Variants in FCHSD2 observed in about 807,000 individuals in gnomAD.
FCHSD2 encodes FCH and double SH3 domains 2.
Under a neutral mutation model 108.1 loss-of-function variants are expected in FCHSD2, and 38 were observed. The ratio of observed to expected loss-of-function variants is 0.35; its 90% CI spans 0.27 to 0.46. The LOEUF (loss-of-function observed/expected upper bound fraction) is 0.46. Ranked by LOEUF, FCHSD2 falls within the 20% of genes least tolerant of loss-of-function variation. The pLI, the probability that FCHSD2 is intolerant of heterozygous loss-of-function variation, is 1.00. For missense variants in FCHSD2, 751 were observed against 897.8 expected (o/e 0.84, Z 2.09); for synonymous variants, 279 against 314.7 (o/e 0.89, Z 1.20).
intron 2 of FCHSD2, among the ~76,000 whole-genome samples, chr11:73,136,127 T>A (rs1054577848): frequency 6.7e-6 from 1 of 148,726 alleles, no homozygotes; most frequent in Non-Finnish European, 1.5e-5. Flanking sequence ...ACCACTGCAT[T>A]CCAGCCTGGG....
intron 14 of FCHSD2, among the ~76,000 whole-genome samples, chr11:72,845,084 C>T (rs1861083544): frequency 6.6e-6 from 1 of 152,046 alleles, no homozygotes; most frequent in African/African-American, 2.4e-5. Context: ...GACAGCAAAC[C>T]AGGGAGGTAG....
At chr11:73,138,651 C>G (rs1861178642) in intron 2 of FCHSD2, among the ~76,000 whole-genome samples, 1 of 147,572 alleles carries the variant, frequency 6.8e-6, no homozygotes, top group African/African-American at 2.5e-5. Context: ...CTCTGTTGCC[C>G]AGGCTGGAGA....
At chr11:72,870,143 C>T (rs892893666) in intron 12 of FCHSD2, among the ~76,000 whole-genome samples, 2 of 152,078 alleles carry the variant, frequency 1.3e-5, no homozygotes, top group Non-Finnish European at 2.9e-5. Flanking sequence ...TATCTTTTGA[C>T]GGTCCGTTCA....
At chr11:72,925,265 C>T (rs533674142) in intron 8 of FCHSD2, among the ~76,000 whole-genome samples, 1 of 152,142 alleles carries the variant, frequency 6.6e-6, no homozygotes, top group East Asian at 1.9e-4. Context: ...AGGATCATTT[C>T]TGATTATAGA....
intron 8 of FCHSD2, among the ~76,000 whole-genome samples, chr11:72,973,733 C>T (rs1241301442): frequency 6.6e-6 from 1 of 152,182 alleles, no homozygotes; most frequent in African/African-American, 2.4e-5. Context: ...ATAGTTAGAA[C>T]ATTCATAACA....
chr11:73,059,876 G>T (rs1859119941), intron 3 of FCHSD2, among the ~76,000 whole-genome samples: 1 of 152,088 alleles, frequency 6.6e-6, no homozygotes, highest in African/African-American at 2.4e-5. Context: ...TAGAAGACTT[G>T]ATAAATTAAC....
intron 2 of FCHSD2, among the ~76,000 whole-genome samples, chr11:73,096,126 GA>G (rs1420531228): frequency 1.3e-5 from 2 of 151,912 alleles, no homozygotes; most frequent in East Asian, 3.8e-4. Flanking sequence ...TTTAAGAGAA[GA>G]AGAAACAGAA....
chr11:73,007,848 C>T (rs1009399952), intron 4 of FCHSD2, among the ~76,000 whole-genome samples: 2 of 152,128 alleles, frequency 1.3e-5, no homozygotes, highest in African/African-American at 2.4e-5. Flanking sequence ...TATTGTACTA[C>T]AGTTATGCAA....
chr11:72,881,128 C>G (rs1855077558), intron 12 of FCHSD2, among the ~76,000 whole-genome samples: 1 of 152,092 alleles, frequency 6.6e-6, no homozygotes, highest in African/African-American at 2.4e-5. Flanking sequence ...ATTATTCATG[C>G]AACAAGGGAC....
At chr11:72,894,889 C>T (rs1398684609) in intron 10 of FCHSD2, among the ~76,000 whole-genome samples, 1 of 151,934 alleles carries the variant, frequency 6.6e-6, no homozygotes, top group Non-Finnish European at 1.5e-5. Context: ...CAGGTGCTTC[C>T]CCATACATTG....
Position 72,947,320 on chromosome 11 carries a change from C to T in FCHSD2, c.706-25370G>A, listed in dbSNP as rs1856539311. ...TCCAGACTCACACTCAGGCCCACAT[C>T]TGGCCAAGAGGAGCAGAACTGAAGA... On this transcript the variant is annotated intron_variant, in intron 8 of 19. Coordinates refer to ENST00000409418, the MANE Select transcript of FCHSD2 (RefSeq NM_014824.3). Among the ~76,000 whole-genome samples, 8 of 152,106 alleles carry T rather than the reference C, an allele frequency of 5.3e-5. No individual in the cohort carries two copies. The South Asian group carries it at 1.7e-3, about 31-fold the overall frequency.
chr11:72,964,669 T>A (rs1463417457), intron 8 of FCHSD2, among the ~76,000 whole-genome samples: 8 of 152,190 alleles, frequency 5.3e-5, no homozygotes, highest in African/African-American at 1.9e-4. Context: ...TCTTTCTCCT[T>A]TACAACCCAC....
intron 2 of FCHSD2, among the ~76,000 whole-genome samples, chr11:73,090,675 C>A (rs2135521842): frequency 6.6e-6 from 1 of 152,214 alleles, no homozygotes; most frequent in South Asian, 2.1e-4. Context: ...GAGAAACTGG[C>A]AGTATTAGTA....
At chr11:72,898,179 G>T (rs1855459161) in intron 10 of FCHSD2, among the ~76,000 whole-genome samples, 1 of 152,114 alleles carries the variant, frequency 6.6e-6, no homozygotes, top group Non-Finnish European at 1.5e-5. Context: ...ATATTCAATT[G>T]GGTGTCTTGG....
chr11:72,987,864 G>C (rs1361982733), intron 6 of FCHSD2, among the ~76,000 whole-genome samples: 1 of 152,062 alleles, frequency 6.6e-6, no homozygotes, highest in Non-Finnish European at 1.5e-5. Context: ...AAAAACTTCA[G>C]GTCTTATTGA....
chr11:73,126,362 A>AAAAAAAAAAAAAAAAAAAAAAAAC (rs1860858686), intron 2 of FCHSD2, among the ~76,000 whole-genome samples: 1 of 148,074 alleles, frequency 6.8e-6, no homozygotes, highest in Non-Finnish European at 1.5e-5. Flanking sequence ...AAAAAAAAAA[A>AAAAAAAAAAAAAAAAAAAAAAAAC]AAAAAAAATT....
At chr11:73,038,460 A>C (rs1175967971) in intron 3 of FCHSD2, among the ~76,000 whole-genome samples, 2 of 152,156 alleles carry the variant, frequency 1.3e-5, no homozygotes, top group Non-Finnish European at 2.9e-5. Flanking sequence ...GTGACTCAAG[A>C]TCACTCACCA....
intron 19 of FCHSD2, 93 bp from the exon 20 acceptor site, chr11:72,838,967 A>C: frequency 9.0e-7 from 1 of 1,109,058 alleles, no homozygotes; most frequent in Non-Finnish European, 1.3e-6. Context: ...GTCCAAGGAC[A>C]TGGGCACCCT....
chr11:72,899,937 C>T (rs1191269920), intron 10 of FCHSD2, among the ~76,000 whole-genome samples: 2 of 152,084 alleles, frequency 1.3e-5, no homozygotes, highest in Non-Finnish European at 2.9e-5. Flanking sequence ...CATTAATTTA[C>T]CGTATGACTC....
Sources: gnomAD v4.1 joint callset for allele counts (sites outside exome capture counted in the v4.1 genomes callset) on GRCh38, gnomAD v4.1.1 for gene constraint, MANE v1.5 for transcripts, NCBI Gene and HGNC (gene_info 2026-07-23, HGNC 2026-07-21) for gene names.